Variants in SH2D3A observed in about 807,000 individuals in gnomAD.
The protein encoded by SH2D3A is SH2 domain-containing protein 3A.
In SH2D3A, 46 loss-of-function variants were observed where a neutral mutation model predicts 50.6. That is an observed-to-expected ratio of 0.91 (90% confidence interval 0.72 to 1.16). The LOEUF (loss-of-function observed/expected upper bound fraction) is 1.16. Ranked by LOEUF, SH2D3A falls within the 50% of genes most tolerant of loss-of-function variation. The pLI, the probability that SH2D3A is intolerant of heterozygous loss-of-function variation, is 0.00. For synonymous variants in SH2D3A, 377 were observed against 348.4 expected, an observed-to-expected ratio of 1.08 and a Z score of -0.91; for missense variants, 783 against 786.2, an observed-to-expected ratio of 1.00 and a Z score of 0.05.
At chr19:6,756,955 C>T (rs1304306520) in intron 4 of SH2D3A, among the ~76,000 whole-genome samples, 2 of 152,110 alleles carry the variant, frequency 1.3e-5, no homozygotes, top group Admixed American at 1.3e-4. Flanking sequence ...ATTGCAACCT[C>T]TGCCTCCCGG....
chr19:6,755,283 G>C lies in SH2D3A; in HGVS notation c.529C>G (p.Arg177Gly), dbSNP rs765689594. ...AGCAACACCGGGTCACTGCTCGTTC[G>C]GGGCAAGGCAGATATGGGCATGGTG... is the stretch of plus-strand genomic sequence containing the variant. ...ASTMPISALP[R>G]TSSDPVLLKA... Residue 177 changes from arginine (R) to glycine (G), a missense_variant, in exon 5 of 10, where the codon CGA becomes GGA. Arg to Gly is a moderately radical substitution (Grantham distance 125). Coordinates refer to ENST00000245908, the MANE Select transcript of SH2D3A (RefSeq NM_005490.3). 17 of 1,518,606 alleles carry C rather than the reference G, an allele frequency of 1.1e-5. No individual in the cohort carries two copies. The highest frequency in any genetic ancestry group is 1.1e-4 in the Admixed American group (5 of 44,966). 94.1% of individuals were successfully genotyped at this position (1,518,606 alleles called of 1,614,324 possible).
intron 8 of SH2D3A, among the ~76,000 whole-genome samples, 185 bp from the exon 9 acceptor site, chr19:6,753,826 A>G (rs554156935): frequency 1.3e-5 from 2 of 151,284 alleles, no homozygotes; most frequent in East Asian, 2.0e-4. Flanking sequence ...TAGCCTAGGG[A>G]AAGGGGCTGG....
Position 6,754,859 on chromosome 19 carries a change from G to A in SH2D3A, c.953C>T (p.Ala318Val). Residue 318 changes from alanine to valine, a missense_variant, in exon 5 of 10, where the codon GCC becomes GTC. Ala to Val is a moderately conservative substitution (Grantham distance 64, BLOSUM62 0). Transcript: ENST00000245908. ...LFLEHHPGST[A>V]LHLLLVDCQA... is the part of the protein sequence containing the mutation. ...GCAGTCTACCAATAGCAGGTGAAGGGCGGTGCTCCCAGGATGGTGCTCCAG... is the reference window on the plus strand; with the variant it reads ...GCAGTCTACCAATAGCAGGTGAAGGACGGTGCTCCCAGGATGGTGCTCCAG... 1.9e-6 allele frequency: 3 copies of A among 1,599,258 alleles called. No homozygotes were observed. Among genetic ancestry groups the A allele is most frequent in the Non-Finnish European group, 2.6e-6 (3 of 1,170,988 alleles).
chr19:6,760,652 C>T lies in SH2D3A; in HGVS notation c.405G>A (p.Arg135=), dbSNP rs944554831. The change falls in exon 3 of 10, where the codon CGG becomes CGA. Residue 135 remains arginine (R), a synonymous_variant. Coordinates refer to ENST00000245908, the MANE Select transcript of SH2D3A (RefSeq NM_005490.3). The part of the protein sequence containing the change: ...SEDTLMDGPA[R]IEPLRARKWS... Reference sequence around the variant, plus strand: ...ACTGTGAGTACCTGAGAGGCTCTATCCGAGCTGGGCCATCCATCAGGGTGT... The same window carrying T: ...ACTGTGAGTACCTGAGAGGCTCTATTCGAGCTGGGCCATCCATCAGGGTGT... 1.9e-6 allele frequency: 3 copies of T among 1,581,408 alleles called. No homozygotes were observed. The highest frequency in any genetic ancestry group is 2.6e-6 in the Non-Finnish European group (3 of 1,160,264).
At chr19:6,765,123 C>T (rs971024874) in intron 1 of SH2D3A, among the ~76,000 whole-genome samples, 3 of 151,860 alleles carry the variant, frequency 2.0e-5, no homozygotes, top group Non-Finnish European at 4.4e-5. Context: ...TCAGGTGATC[C>T]ACCCTCCTCA....
intron 9 of SH2D3A, 88 bp downstream of exon 9, chr19:6,753,368 C>G (rs1328846946): frequency 1.4e-6 from 2 of 1,402,110 alleles, no homozygotes; most frequent in East Asian, 5.4e-5. Flanking sequence ...GAGAGGCTCC[C>G]CTCCTGGGAC....
chr19:6,767,194 G>A (rs994567532), intron 1 of SH2D3A, among the ~76,000 whole-genome samples, 193 bp downstream of exon 1: 23 of 152,306 alleles, frequency 1.5e-4, no homozygotes, highest in African/African-American at 5.3e-4. Context: ...GTGCTGCACA[G>A]GAAATACACT....
At position 6,760,788 on chromosome 19, in the gene SH2D3A, G is replaced by A; in HGVS notation, c.269C>T (p.Ala90Val). The A allele has an allele frequency of 6.2e-7, 1 of 1,614,252 alleles. No homozygotes were observed. Among genetic ancestry groups the A allele is most frequent in the Non-Finnish European group, 8.5e-7 (1 of 1,180,044 alleles). ...GCCTGTCATATAACTGTGAACCAGA[G>A]CCGGTATGCTGGGGAATTGCTCATC... is the stretch of plus-strand genomic sequence containing the variant. ...LEDEQFPSIP[A>V]LVHSYMTGRR... Residue 90 changes from alanine (A) to valine (V), a missense_variant, in exon 3 of 10, where the codon GCT (alanine) becomes GTT (valine). Physicochemically the swap from Ala to Val is moderately conservative, Grantham distance 64 (BLOSUM62 0). Coordinates refer to ENST00000245908, the MANE Select transcript of SH2D3A (RefSeq NM_005490.3).
chr19:6,759,567 C>A, intron 4 of SH2D3A, 27 bp downstream of exon 4: 1 of 1,610,668 alleles, frequency 6.2e-7, no homozygotes, highest in Non-Finnish European at 8.5e-7. Flanking sequence ...AATCCCTGAG[C>A]CACAGGCCAT....
chr19:6,755,149 C>A lies in SH2D3A; in HGVS notation c.663G>T (p.Leu221=). 1.2e-6 allele frequency: 2 copies of A among 1,611,288 alleles called. No individual in the cohort carries two copies. Among genetic ancestry groups the A allele is most frequent in the Middle Eastern group, 1.7e-4 (1 of 6,040 alleles). Reference sequence around the variant, plus strand: ...TCGGGGGACGTTCAGAGGCATCAGGCAGTTCGAAGGAGGGTGTCCGGGGGG... The same window carrying A: ...TCGGGGGACGTTCAGAGGCATCAGGAAGTTCGAAGGAGGGTGTCCGGGGGG... ...TKPPRTPSFE[L]PDASERPPTY... Residue 221 remains leucine (L), a synonymous_variant, in exon 5 of 10, where the codon CTG becomes CTT. Transcript: ENST00000245908.
chr19:6,767,291 C>A (rs932070655), intron 1 of SH2D3A, 96 bp downstream of exon 1: 1 of 152,324 alleles, frequency 6.6e-6, no homozygotes, highest in Non-Finnish European at 1.5e-5. Context: ...CTCTTCTACC[C>A]CAGATCCTCC....
chr19:6,753,750 G>T (rs950465524), intron 8 of SH2D3A, 109 bp from the exon 9 acceptor site: 3 of 1,227,050 alleles, frequency 2.4e-6, no homozygotes, highest in East Asian at 5.3e-5. Flanking sequence ...AGCGACAGCG[G>T]GGTCTGTGGA....
In SH2D3A at chr19:6,754,723, G is replaced by A. The variant is rs968343986; in HGVS notation, c.990C>T (p.Gly330=). 6.2e-7 allele frequency: 1 copy of A among 1,614,086 alleles called. No homozygotes were observed. The highest frequency in any genetic ancestry group is 8.5e-7 in the Non-Finnish European group (1 of 1,180,036). ...GCTGATCTCTGGTCACTCCCAGGAG[G>A]CCTGTGGCCTGCAGAAGGGAATGGG... The part of the protein sequence containing the change: ...HLLLVDCQAT[G]LLGVTRDQRG... Residue 330 remains glycine, a synonymous_variant, in exon 6 of 10, where the codon GGC becomes GGT. Coordinates refer to ENST00000245908, the MANE Select transcript of SH2D3A (RefSeq NM_005490.3).
Position 6,754,142 on chromosome 19 carries a change from A to T in SH2D3A, c.1294T>A (p.Trp432Arg). The T allele has an allele frequency of 6.2e-7, 1 of 1,613,346 alleles. No homozygotes were observed. Among genetic ancestry groups the T allele is most frequent in the Middle Eastern group, 1.7e-4 (1 of 6,056 alleles). The change falls in exon 8 of 10, where the codon TGG becomes AGG. Residue 432 changes from tryptophan to arginine, a missense_variant. Physicochemically the swap from Trp to Arg is moderately radical, Grantham distance 101 (BLOSUM62 -3). Transcript: ENST00000245908. ...MPQVSRLEHT[W>R]RQLRRSHTEA... ...GTGTGGCTCCTTCGGAGCTGGCGCC[A>T]CGTGTGCTCCAACCGGGACACCTGG... is the stretch of plus-strand genomic sequence containing the variant.
At chr19:6,752,968 A>G in intron 9 of SH2D3A, 4 of 985,200 alleles carry the variant, frequency 4.1e-6, no homozygotes, top group Non-Finnish European at 4.8e-6. Context: ...GCTCTACCGC[A>G]GTGCAATGGG....
In SH2D3A at chr19:6,755,100, C is replaced by G; in HGVS notation, c.712G>C (p.Val238Leu). 6.2e-7 allele frequency: 1 copy of G among 1,613,932 alleles called. No homozygotes were observed. Among genetic ancestry groups the G allele is most frequent in the Non-Finnish European group, 8.5e-7 (1 of 1,179,986 alleles). ...PPTYCELVPRVPSVQGTSPSQ... is the reference protein window; with the variant it reads ...PPTYCELVPRLPSVQGTSPSQ... ...GGGGATGTTCCCTGGACACTGGGCA[C>G]TCGGGGCACCAGCTCGCAGTACGTC... is the stretch of plus-strand genomic sequence containing the variant. Residue 238 changes from valine (V) to leucine (L), a missense_variant, in exon 5 of 10, where the codon GTG (valine) becomes CTG (leucine). Val to Leu is a conservative substitution (Grantham distance 32, BLOSUM62 1). Coordinates refer to ENST00000245908, the MANE Select transcript of SH2D3A (RefSeq NM_005490.3).
intron 2 of SH2D3A, 131 bp downstream of exon 2, chr19:6,763,549 G>C: frequency 1.5e-6 from 1 of 678,490 alleles, no homozygotes; most frequent in East Asian, 3.0e-5. Flanking sequence ...CTTCAAGACA[G>C]TCCCCAGCCC....
chr19:6,753,717 T>C, intron 8 of SH2D3A, 76 bp from the exon 9 acceptor site: 1 of 1,379,946 alleles, frequency 7.2e-7, no homozygotes, highest in South Asian at 1.5e-5. Flanking sequence ...CTAGGACAAA[T>C]GCAGGGGCGG....
chr19:6,765,258 C>G (rs766544925), intron 1 of SH2D3A, among the ~76,000 whole-genome samples: 1 of 151,954 alleles, frequency 6.6e-6, no homozygotes, highest in Non-Finnish European at 1.5e-5. Flanking sequence ...CATTTTTGAT[C>G]ATGTGACCAG....
Sources: gnomAD v4.1 joint callset for allele counts (sites outside exome capture counted in the v4.1 genomes callset) on GRCh38, gnomAD v4.1.1 for gene constraint, MANE v1.5 for transcripts, NCBI Gene and HGNC (gene_info 2026-07-23, HGNC 2026-07-21) for gene names.